Variants in SYNPR observed in about 807,000 individuals in gnomAD.
SYNPR encodes the protein synaptoporin.
A neutral mutation model predicts 32.9 loss-of-function variants in SYNPR; 23 were observed. The ratio of observed to expected loss-of-function variants is 0.70; its 90% CI spans 0.50 to 0.99. The LOEUF (loss-of-function observed/expected upper bound fraction) is 0.99, where lower values mean the gene tolerates loss of function less well. SYNPR is among the 50% of genes least tolerant of loss of function. SYNPR has a pLI of 0.00. For missense variants in SYNPR, 318 were observed against 349.3 expected (o/e 0.91, Z 0.71); for synonymous variants, 146 against 135.9 (o/e 1.07, Z -0.52).
At chr3:63,435,978 G>T (rs1190953367) in intron 2 of SYNPR, among the ~76,000 whole-genome samples, 3 of 152,098 alleles carry the variant, frequency 2.0e-5, no homozygotes, top group Non-Finnish European at 4.4e-5. Flanking sequence ...TTTCAGCAGG[G>T]ACCATGTTTA....
chr3:63,380,571 G>A (rs1172863983), intron 2 of SYNPR, among the ~76,000 whole-genome samples: 1 of 151,876 alleles, frequency 6.6e-6, no homozygotes, highest in African/African-American at 2.4e-5. Flanking sequence ...TGAGTTCTTT[G>A]CAGATTCTGG....
At chr3:63,403,428 G>A (rs868762879) in intron 2 of SYNPR, among the ~76,000 whole-genome samples, 6 of 134,792 alleles carry the variant, frequency 4.5e-5, no homozygotes, top group East Asian at 4.4e-4. Context: ...ATTCTCATAC[G>A]TATGTATACA....
the SYNPR span, chr3:63,203,068 G>GTGTGTATGTATATATA: frequency 5.3e-4 from 58 of 108,558 alleles, no homozygotes; most frequent in African/African-American, 2.3e-3. Flanking sequence ...ATATGTATGT[G>GTGTGTATGTATATATA]TATATATATA....
At chr3:63,450,080 T>C (rs986288443) in intron 2 of SYNPR, among the ~76,000 whole-genome samples, 1 of 152,058 alleles carries the variant, frequency 6.6e-6, no homozygotes, top group Non-Finnish European at 1.5e-5. Flanking sequence ...AGCACAGCAG[T>C]AGTTAGGGAA....
the SYNPR span, among the ~76,000 whole-genome samples, chr3:63,221,538 G>A: frequency 2.6e-3 from 398 of 152,262 alleles, 2 homozygotes; most frequent in Non-Finnish European, 4.4e-3. Flanking sequence ...GCAAAGAATA[G>A]AAAGCGTATA....
chr3:63,495,963 G>A (rs984836182), intron 3 of SYNPR, among the ~76,000 whole-genome samples: 2 of 139,036 alleles, frequency 1.4e-5, no homozygotes, highest in African/African-American at 2.7e-5. Flanking sequence ...TTTGGATAAC[G>A]GTATGTCACT....
intron 3 of SYNPR, among the ~76,000 whole-genome samples, chr3:63,490,519 T>G (rs573100635): frequency 9.0e-4 from 137 of 152,144 alleles, no homozygotes; most frequent in African/African-American, 3.0e-3. Context: ...GGTGGTGGGT[T>G]GGCCCAGGGT....
At chr3:63,337,619 T>G (rs1167016244) in intron 2 of SYNPR, among the ~76,000 whole-genome samples, 1 of 152,212 alleles carries the variant, frequency 6.6e-6, no homozygotes, top group African/African-American at 2.4e-5. Flanking sequence ...CAAGATGTCC[T>G]TGAATAGTTG....
the SYNPR span, among the ~76,000 whole-genome samples, chr3:63,207,256 G>A: frequency 5.3e-5 from 8 of 152,180 alleles, no homozygotes; most frequent in African/African-American, 1.7e-4. Flanking sequence ...TGGGACCCAC[G>A]TCAGCTTGAC....
chr3:63,610,871 A>T (rs1700187116), intron 5 of SYNPR, among the ~76,000 whole-genome samples: 1 of 152,240 alleles, frequency 6.6e-6, no homozygotes, highest in Admixed American at 6.5e-5. Flanking sequence ...GATGGAAATT[A>T]TGAATGAAAA....
At chr3:63,497,456 A>G (rs1701393230) in intron 3 of SYNPR, among the ~76,000 whole-genome samples, 1 of 151,984 alleles carries the variant, frequency 6.6e-6, no homozygotes, top group African/African-American at 2.4e-5. Flanking sequence ...ATGAGAAGGG[A>G]CTTGTTCCTT....
intron 4 of SYNPR, among the ~76,000 whole-genome samples, chr3:63,605,086 A>C (rs1218621365): frequency 1.3e-5 from 2 of 152,224 alleles, no homozygotes; most frequent in African/African-American, 4.8e-5. Context: ...GGTAGTCAAA[A>C]TGCTTGCATC....
At chr3:63,267,998 A>G (rs2086504780) in intron 3 of SYNPR, among the ~76,000 whole-genome samples, 1 of 152,228 alleles carries the variant, frequency 6.6e-6, no homozygotes, top group Non-Finnish European at 1.5e-5. Context: ...AACTTCAGAC[A>G]TGGTTTCACA....
At chr3:63,531,649 C>T (rs1228627227) in intron 3 of SYNPR, among the ~76,000 whole-genome samples, 1 of 152,164 alleles carries the variant, frequency 6.6e-6, no homozygotes, top group Non-Finnish European at 1.5e-5. Context: ...CAGTCCGCAA[C>T]AGCCAATATG....
intron 2 of SYNPR, among the ~76,000 whole-genome samples, chr3:63,462,046 A>G (rs1700593424): frequency 6.6e-6 from 1 of 152,022 alleles, no homozygotes. Context: ...CTCTCATGCT[A>G]TGCTTCCTCT....
intron 3 of SYNPR, among the ~76,000 whole-genome samples, chr3:63,549,107 AT>A (rs1252048668): frequency 7.9e-5 from 12 of 152,200 alleles, no homozygotes; most frequent in Non-Finnish European, 1.5e-4. Flanking sequence ...TCTGAGGCAA[AT>A]GTTAGAATAA....
chr3:63,386,920 C>T (rs961165048), intron 2 of SYNPR, among the ~76,000 whole-genome samples: 2 of 152,176 alleles, frequency 1.3e-5, no homozygotes, highest in African/African-American at 4.8e-5. Context: ...TGCTGAGTGG[C>T]CTCTGCTCTT....
intron 3 of SYNPR, among the ~76,000 whole-genome samples, chr3:63,268,211 A>C (rs2367776): frequency 0.87 from 132,398 of 152,206 alleles, 58,375 homozygotes; most frequent in African/African-American, 0.96. Flanking sequence ...AAGGAAAGTC[A>C]TAGATGACAT....
chr3:63,354,333 T>C (rs944720749), intron 2 of SYNPR, among the ~76,000 whole-genome samples: 1 of 152,196 alleles, frequency 6.6e-6, no homozygotes, highest in Non-Finnish European at 1.5e-5. Context: ...ATCCAGTGGA[T>C]CCGTCCACAT....
Sources: allele counts gnomAD v4.1 joint callset (sites outside exome capture counted in the v4.1 genomes callset), GRCh38; gene constraint gnomAD v4.1.1; transcripts MANE v1.5; gene names NCBI Gene and HGNC (gene_info 2026-07-23, HGNC 2026-07-21).